The following NBEA variants were observed in gnomAD, a reference collection of about 807,000 sequenced individuals.
NBEA encodes lysosomal-trafficking regulator 2.
NBEA carries 44 observed loss-of-function variants against 343.4 expected under a neutral mutation model. That is an observed-to-expected ratio of 0.13 (90% CI 0.10 to 0.16). The LOEUF (loss-of-function observed/expected upper bound fraction) is 0.16. Ranked by LOEUF, NBEA falls within the 10% of genes least tolerant of loss-of-function variation. The probability of loss-of-function intolerance (pLI) is 1.00; values close to 1 mark genes in which losing one functional copy is unlikely to be tolerated. For synonymous variants in NBEA, 1,175 were observed against 1,238.7 expected, an observed-to-expected ratio of 0.95 and a Z score of 1.08; for missense variants, 2,555 against 3,631.3, an observed-to-expected ratio of 0.70 and a Z score of 7.62.
At chr13:35,292,699 C>T (rs2035877714) in intron 35 of NBEA, among the ~76,000 whole-genome samples, 1 of 151,882 alleles carries the variant, frequency 6.6e-6, no homozygotes, top group Non-Finnish European at 1.5e-5. Flanking sequence ...GAATGAGTAA[C>T]TTTAAGTTAC....
intron 55 of NBEA, among the ~76,000 whole-genome samples, chr13:35,657,818 G>A (rs2084889712): frequency 6.6e-6 from 1 of 152,092 alleles, no homozygotes; most frequent in South Asian, 2.1e-4. Context: ...TCAAAATGAA[G>A]CCCAGAAATG....
At chr13:35,038,584 A>G (rs1277928590) in intron 1 of NBEA, among the ~76,000 whole-genome samples, 2 of 152,052 alleles carry the variant, frequency 1.3e-5, no homozygotes, top group African/African-American at 2.4e-5. Context: ...CACATGATGA[A>G]TGCTGCCTAG....
At chr13:35,050,127 G>C (rs1025254382) in intron 5 of NBEA, 142 bp from the exon 6 acceptor site, 12 of 525,112 alleles carry the variant, frequency 2.3e-5, no homozygotes, top group African/African-American at 9.9e-5. Flanking sequence ...TTATATTTTT[G>C]TTTAGTTTTT....
chr13:35,403,429 G>A (rs951285224), intron 38 of NBEA, among the ~76,000 whole-genome samples: 1 of 151,828 alleles, frequency 6.6e-6, no homozygotes, highest in Non-Finnish European at 1.5e-5. Context: ...TCCAAAAAAA[G>A]AACAATACAG....
intron 1 of NBEA, among the ~76,000 whole-genome samples, chr13:34,970,853 C>A (rs985145121): frequency 6.6e-6 from 1 of 152,106 alleles, no homozygotes; most frequent in African/African-American, 2.4e-5. Context: ...TCTGGCTATT[C>A]AGGCTCTTTT....
intron 1 of NBEA, among the ~76,000 whole-genome samples, chr13:35,037,861 C>T (rs778794155): frequency 6.6e-6 from 1 of 152,176 alleles, no homozygotes; most frequent in African/African-American, 2.4e-5. Flanking sequence ...AGCCTATGTT[C>T]ACTCAAGGCC....
chr13:35,116,878 T>G (rs990772339), intron 13 of NBEA, among the ~76,000 whole-genome samples: 5 of 152,108 alleles, frequency 3.3e-5, no homozygotes, highest in Admixed American at 2.0e-4. Flanking sequence ...ATACTCATTT[T>G]CACTTATTGA....
intron 20 of NBEA, 134 bp downstream of exon 20, chr13:35,156,340 C>T (rs1340039250): frequency 1.2e-6 from 1 of 818,776 alleles, no homozygotes; most frequent in Non-Finnish European, 1.8e-6. Flanking sequence ...TTTTATGTTT[C>T]TTTGACATAA....
chr13:35,422,740 G>A (rs575990718), intron 38 of NBEA, among the ~76,000 whole-genome samples: 1 of 152,272 alleles, frequency 6.6e-6, no homozygotes, highest in African/African-American at 2.4e-5. Flanking sequence ...TTCCACAATG[G>A]TTGAACTAGT....
At chr13:35,001,372 C>A (rs1277124419) in intron 1 of NBEA, among the ~76,000 whole-genome samples, 1 of 152,090 alleles carries the variant, frequency 6.6e-6, no homozygotes, top group Non-Finnish European at 1.5e-5. Flanking sequence ...CTTGCACTCC[C>A]ATGTTTATTG....
At chr13:35,077,919 G>T (rs1486636565) in intron 10 of NBEA, among the ~76,000 whole-genome samples, 2 of 152,166 alleles carry the variant, frequency 1.3e-5, no homozygotes, top group African/African-American at 4.8e-5. Context: ...AATAAAAGGT[G>T]CTACAAATAG....
At position 35,655,766 on chromosome 13, in the gene NBEA, A is replaced by C. The variant is rs779030324; in HGVS notation, c.8362+17A>C. 32 of 1,597,356 alleles carry C rather than the reference A, an allele frequency of 2.0e-5. No individual in the cohort carries two copies. In the African/African-American group the frequency reaches 3.9e-4, roughly 19 times the overall value. The stretch of plus-strand genomic sequence containing the variant: ...CTAACAGCAGTGAGTGTTTGTATCA[A>C]ATTTGTCCTATCAAACTATAGTTTA... On this transcript the variant is annotated intron_variant, in intron 55 of 58. Coordinates refer to ENST00000379939, the MANE Select transcript of NBEA (RefSeq NM_001385012.1).
At chr13:35,542,410 A>T (rs924637339) in intron 41 of NBEA, among the ~76,000 whole-genome samples, 4 of 152,032 alleles carry the variant, frequency 2.6e-5, no homozygotes, top group African/African-American at 9.7e-5. Context: ...ATTCTTTTCC[A>T]TGTAAGTTTT....
intron 36 of NBEA, among the ~76,000 whole-genome samples, chr13:35,343,534 C>A (rs1193947359): frequency 1.3e-5 from 2 of 152,048 alleles, no homozygotes; most frequent in Non-Finnish European, 1.5e-5. Flanking sequence ...AGTACCAGTC[C>A]TTGGCCTGTT....
At chr13:35,053,701 A>T (rs541464656) in intron 6 of NBEA, among the ~76,000 whole-genome samples, 2 of 152,136 alleles carry the variant, frequency 1.3e-5, no homozygotes, top group Admixed American at 6.6e-5. Context: ...GGTAAATAAT[A>T]ATCAATTTTA....
chr13:34,947,780 T>C (rs965804822), intron 1 of NBEA, among the ~76,000 whole-genome samples: 2 of 152,246 alleles, frequency 1.3e-5, no homozygotes, highest in South Asian at 2.1e-4. Flanking sequence ...TCTGAAGTTA[T>C]GTTCAACATT....
intron 41 of NBEA, among the ~76,000 whole-genome samples, chr13:35,526,756 G>T (rs117102673): frequency 2.8e-4 from 43 of 152,302 alleles, no homozygotes; most frequent in African/African-American, 1.0e-3. Flanking sequence ...ATGTGTGAGC[G>T]AGTGCATGGT....
At chr13:35,168,910 G>A (rs2070247985) in intron 24 of NBEA, 77 bp from the exon 25 acceptor site, 1 of 1,015,354 alleles carries the variant, frequency 9.8e-7, no homozygotes, top group South Asian at 2.5e-5. Context: ...ATTTTACATT[G>A]TATTTTCATT....
chr13:35,102,553 C>T (rs889434803), intron 11 of NBEA, among the ~76,000 whole-genome samples: 2 of 151,472 alleles, frequency 1.3e-5, no homozygotes, highest in African/African-American at 4.8e-5. Flanking sequence ...TTCTTTTGTA[C>T]TTTTCTGTAT....
Sources: allele counts gnomAD v4.1 joint callset (sites outside exome capture counted in the v4.1 genomes callset), GRCh38; gene constraint gnomAD v4.1.1; transcripts MANE v1.5; gene names NCBI Gene and HGNC (gene_info 2026-07-23, HGNC 2026-07-21).